LAMA2: variants seen among roughly 807,000 people sequenced by gnomAD.
The protein encoded by LAMA2 is laminin subunit alpha-2.
Under a neutral mutation model 364.8 loss-of-function variants are expected in LAMA2, and 269 were observed. That is an observed-to-expected ratio of 0.74 (90% CI 0.67 to 0.82). The LOEUF (loss-of-function observed/expected upper bound fraction) is 0.82, where lower values mean the gene tolerates loss of function less well. LAMA2 is among the 40% of genes least tolerant of loss of function. The pLI is 0.00. For missense variants in LAMA2, 3,807 were observed against 3,873.2 expected (o/e 0.98, Z 0.45); for synonymous variants, 1,379 against 1,370.6 (o/e 1.01, Z -0.14).
intron 12 of LAMA2, among the ~76,000 whole-genome samples, chr6:129,199,245 A>G (rs1456848943): frequency 6.6e-6 from 1 of 152,224 alleles, no homozygotes; most frequent in East Asian, 1.9e-4. Context: ...TGATTAAAAG[A>G]GAAAAAAATC....
At chr6:129,011,980 A>G (rs1366569257) in intron 1 of LAMA2, among the ~76,000 whole-genome samples, 2 of 152,092 alleles carry the variant, frequency 1.3e-5, no homozygotes, top group East Asian at 3.9e-4. Context: ...AAAGAGAAAA[A>G]CGAGGCACTG....
chr6:129,169,565 AG>A (rs1283321397), intron 9 of LAMA2, among the ~76,000 whole-genome samples: 1 of 151,882 alleles, frequency 6.6e-6, no homozygotes, highest in Non-Finnish European at 1.5e-5. Flanking sequence ...TCGTTTTGCC[AG>A]TATTTTACTG....
At chr6:129,345,267 A>G (rs1357013604) in intron 30 of LAMA2, among the ~76,000 whole-genome samples, 1 of 152,170 alleles carries the variant, frequency 6.6e-6, no homozygotes, top group Non-Finnish European at 1.5e-5. Context: ...TGCCTGGGCT[A>G]CATGACTTGC....
intron 34 of LAMA2, among the ~76,000 whole-genome samples, chr6:129,373,605 T>A (rs1267105712): frequency 6.6e-6 from 1 of 152,206 alleles, no homozygotes; most frequent in Non-Finnish European, 1.5e-5. Flanking sequence ...GATACTACAT[T>A]ACATTTAGCC....
At chr6:129,205,905 C>T (rs945395615) in intron 12 of LAMA2, among the ~76,000 whole-genome samples, 1 of 151,738 alleles carries the variant, frequency 6.6e-6, no homozygotes, top group African/African-American at 2.4e-5. Flanking sequence ...TGCATGTAGT[C>T]CCCACTACCA....
rs752485547 is a variant in LAMA2 at position 129,098,218 on chromosome 6, C to A, written c.442C>A (p.Arg148=). The A allele has an allele frequency of 1.2e-6, 2 of 1,614,022 alleles. No individual in the cohort carries two copies. The highest frequency in any genetic ancestry group is 2.7e-5 in the African/African-American group (2 of 75,010). The change falls in exon 4 of 65, where the codon CGG becomes AGG. Residue 148 remains arginine, a synonymous_variant. Transcript: ENST00000421865. The part of the protein sequence containing the change: ...YVIVKAANSP[R]PGNWILERSL... ...GATTGTGAAGGCAGCTAACTCCCCC[C>A]GGCCTGGAAACTGGATTTTGGAACG... is the stretch of plus-strand genomic sequence containing the variant.
At chr6:129,208,343 G>T (rs1782818124) in intron 12 of LAMA2, among the ~76,000 whole-genome samples, 1 of 152,070 alleles carries the variant, frequency 6.6e-6, no homozygotes, top group African/African-American at 2.4e-5. Flanking sequence ...ACTCAAGATG[G>T]TGTCTGAAAA....
intron 1 of LAMA2, among the ~76,000 whole-genome samples, chr6:129,013,486 G>A (rs1381990354): frequency 6.6e-6 from 1 of 151,998 alleles, no homozygotes; most frequent in Admixed American, 6.6e-5. Flanking sequence ...GATAGCAAAT[G>A]GCTAGACAGC....
chr6:129,512,215 T>C (rs573722347), intron 62 of LAMA2, 148 bp from the exon 63 acceptor site: 8 of 721,224 alleles, frequency 1.1e-5, no homozygotes, highest in African/African-American at 8.8e-5. Flanking sequence ...TGGTGGAAGA[T>C]AGGCCAGGCA....
At chr6:129,065,990 C>G (rs1034503722) in intron 3 of LAMA2, among the ~76,000 whole-genome samples, 43 of 146,374 alleles carry the variant, frequency 2.9e-4, no homozygotes, top group Admixed American at 1.3e-3. Context: ...CCACATGGAA[C>G]TATAAGTCCA....
chr6:129,168,263 G>T (rs1324268808), intron 9 of LAMA2, among the ~76,000 whole-genome samples: 5 of 150,642 alleles, frequency 3.3e-5, no homozygotes. Flanking sequence ...GAATGGTACT[G>T]CCTAGGTTTT....
At chr6:128,970,409 G>C (rs548018402) in intron 1 of LAMA2, among the ~76,000 whole-genome samples, 1 of 152,064 alleles carries the variant, frequency 6.6e-6, no homozygotes, top group Non-Finnish European at 1.5e-5. Flanking sequence ...TATGACCTAC[G>C]AATGTTAAGA....
chr6:128,908,818 A>G lies in LAMA2; in HGVS notation c.112+25461A>G, dbSNP rs1582649204. 4.0e-5 allele frequency among the ~76,000 whole-genome samples: 6 copies of G among 149,694 alleles called. No individual in the cohort carries two copies. In the South Asian group the frequency reaches 1.3e-3, roughly 32 times the overall value. ...ACACACTGCTTTGAATGTGTCCCAG[A>G]GATTCTGGTATGTTGTGTCTTTGTT... On this transcript the variant is annotated intron_variant, in intron 1 of 64. Transcript: ENST00000421865.
rs1787585448 is a variant in LAMA2 at position 129,267,223 on chromosome 6, A to C, written c.2322+4A>C. The C allele has an allele frequency of 6.3e-7, 1 of 1,577,136 alleles. No homozygotes were observed. The highest frequency in any genetic ancestry group is 8.7e-7 in the Non-Finnish European group (1 of 1,146,476). On this transcript the variant is annotated splice_donor_region_variant and intron_variant, in intron 16 of 64. Transcript: ENST00000421865. ...TGACGTCACTGGAGAATGCCTGGTA[A>C]GTGCTCTCTTCTTTGGGGATGCTGA...
chr6:129,122,578 A>G lies in LAMA2; in HGVS notation c.640-21323A>G, dbSNP rs150349939. On this transcript the variant is annotated intron_variant, in intron 4 of 64. Coordinates refer to ENST00000421865, the MANE Select transcript of LAMA2 (RefSeq NM_000426.4). ...AGTTTACCATCTGATTTTTTTCCTA[A>G]GGGTTTTTACATGAACGTTTATTCC... is the stretch of plus-strand genomic sequence containing the variant. Among the ~76,000 whole-genome samples, 527 of 152,294 alleles carry G rather than the reference A, an allele frequency of 3.5e-3. 4 individuals are homozygous for G. Among genetic ancestry groups the G allele is most frequent in the African/African-American group, 0.012 (499 of 41,562 alleles).
intron 12 of LAMA2, among the ~76,000 whole-genome samples, chr6:129,228,146 C>G (rs2115119541): frequency 6.6e-6 from 1 of 152,310 alleles, no homozygotes; most frequent in African/African-American, 2.4e-5. Context: ...GGGATATAAT[C>G]TCCTGGTGTG....
intron 1 of LAMA2, among the ~76,000 whole-genome samples, chr6:128,905,808 C>T (rs2114432741): frequency 6.6e-6 from 1 of 151,856 alleles, no homozygotes; most frequent in Admixed American, 6.6e-5. Flanking sequence ...CAACAGTCCC[C>T]AGAGTGTGAT....
At position 129,253,522 on chromosome 6, in the gene LAMA2, A is replaced by G. The variant is rs148534864; in HGVS notation, c.2096+1227A>G. Among the ~76,000 whole-genome samples, 5 of 152,378 alleles carry G rather than the reference A, an allele frequency of 3.3e-5. No individual in the cohort carries two copies. In the East Asian group the frequency reaches 5.8e-4, roughly 18 times the overall value. On this transcript the variant is annotated intron_variant, in intron 14 of 64. Transcript: ENST00000421865. Reference sequence around the variant, plus strand: ...ACAATGTACCTCTTTTGCATAGGCAATTCTTCTAGAAGCTGGGTTAAAATG... The same window carrying G: ...ACAATGTACCTCTTTTGCATAGGCAGTTCTTCTAGAAGCTGGGTTAAAATG...
intron 53 of LAMA2, among the ~76,000 whole-genome samples, chr6:129,477,139 A>G (rs930815715): frequency 4.6e-5 from 7 of 152,184 alleles, no homozygotes; most frequent in African/African-American, 1.4e-4. Context: ...TTTCACTTCT[A>G]TATACCTTCA....
Sources: gnomAD v4.1 joint callset for allele counts (sites outside exome capture counted in the v4.1 genomes callset) on GRCh38, gnomAD v4.1.1 for gene constraint, MANE v1.5 for transcripts, NCBI Gene and HGNC (gene_info 2026-07-23, HGNC 2026-07-21) for gene names.